CHAF1B: variants seen among roughly 807,000 people sequenced by gnomAD.
CHAF1B encodes the protein chromatin assembly factor 1 subunit B, also known as CAF-1 subunit B.
Under a neutral mutation model 60.7 loss-of-function variants are expected in CHAF1B, and 10 were observed. The observed-to-expected ratio is 0.16, with a 90% CI of 0.10 to 0.28. The LOEUF (loss-of-function observed/expected upper bound fraction) is 0.28. CHAF1B is among the 10% of genes least tolerant of loss of function. The pLI, the probability that CHAF1B is intolerant of heterozygous loss-of-function variation, is 1.00. For synonymous variants in CHAF1B, 261 were observed against 266.1 expected (o/e 0.98, Z 0.19); for missense variants, 558 against 708.4 (o/e 0.79, Z 2.41).
chr21:36,411,542 G>A lies in CHAF1B; in HGVS notation c.999G>A (p.Gln333=), dbSNP rs762395659. The A allele has an allele frequency of 1.9e-6, 3 of 1,614,066 alleles. No individual in the cohort carries two copies. The highest frequency in any genetic ancestry group is 2.5e-6 in the Non-Finnish European group (3 of 1,180,024). Residue 333 remains glutamine, a synonymous_variant, in exon 11 of 14, where the codon CAG becomes CAA. Transcript: ENST00000314103. ...ATTCCGTGCTTCTGTATGACACCCAGCAGTCCTTCCCTTTTGGTTACGTGT... is the reference window on the plus strand; with the variant it reads ...ATTCCGTGCTTCTGTATGACACCCAACAGTCCTTCCCTTTTGGTTACGTGT... ...SEDSVLLYDT[Q]QSFPFGYVSN...
In CHAF1B at chr21:36,415,308, A is replaced by G. The variant is rs375302132; in HGVS notation, c.1507A>G (p.Thr503Ala). 3.1e-6 allele frequency: 5 copies of G among 1,609,300 alleles called. No homozygotes were observed. The highest frequency in any genetic ancestry group is 4.3e-6 in the Non-Finnish European group (5 of 1,176,228). ...TTTTAAATCAAGGAGAATAAACTTA[A>G]CACCCTTAAAGACGGACACTCCACC... is the stretch of plus-strand genomic sequence containing the variant. ...SKTTPRRINLTPLKTDTPPSS... is the reference protein window; with the variant it reads ...SKTTPRRINLAPLKTDTPPSS... Residue 503 changes from threonine (T) to alanine (A), a missense_variant, in exon 13 of 14, where the codon ACA becomes GCA. Coordinates refer to ENST00000314103, the MANE Select transcript of CHAF1B (RefSeq NM_005441.3).
At position 36,386,123 on chromosome 21, in the gene CHAF1B, C is replaced by G; in HGVS notation, c.-14C>G. The stretch of plus-strand genomic sequence containing the variant: ...GTGCCCGAGAAACGTTTTTCCCCTT[C>G]GAGACTCAGGAGGATGAAAGTCATC... On this transcript the variant is annotated 5_prime_UTR_variant, in exon 2 of 14. Coordinates refer to ENST00000314103, the MANE Select transcript of CHAF1B (RefSeq NM_005441.3). The G allele has an allele frequency of 6.2e-7, 1 of 1,613,630 alleles. No homozygotes were observed. Among genetic ancestry groups the G allele is most frequent in the South Asian group, 1.1e-5 (1 of 90,976 alleles).
chr21:36,397,634 G>T (rs141244906), intron 6 of CHAF1B, 123 bp downstream of exon 6: 5 of 363,696 alleles, frequency 1.4e-5, no homozygotes, highest in Non-Finnish European at 2.5e-5. Flanking sequence ...TTTTGTTCTT[G>T]TTTTCATACT....
At chr21:36,396,172 G>A (rs1196839302) in intron 5 of CHAF1B, among the ~76,000 whole-genome samples, 1 of 151,200 alleles carries the variant, frequency 6.6e-6, no homozygotes, top group East Asian at 2.0e-4. Flanking sequence ...GCTAATTTTT[G>A]TATTTTTAGA....
chr21:36,396,796 A>G (rs548910486), intron 5 of CHAF1B, among the ~76,000 whole-genome samples: 36 of 151,744 alleles, frequency 2.4e-4, no homozygotes, highest in Non-Finnish European at 4.6e-4. Context: ...GGCCCTCCTC[A>G]TCTCTCTCCT....
At position 36,415,387 on chromosome 21, in the gene CHAF1B, C is replaced by T. The variant is rs763545777; in HGVS notation, c.1586C>T (p.Ser529Leu). The T allele has an allele frequency of 2.3e-5, 36 of 1,566,878 alleles. No individual in the cohort carries two copies. The Admixed American group carries it at 4.0e-4, about 17-fold the overall frequency. ...ISTPSTEEIQSETPGDAQGSP... is the reference protein window; with the variant it reads ...ISTPSTEEIQLETPGDAQGSP... ...ACCCCTTCTACAGAAGAAATTCAGT[C>T]AGGTAAGTAATATTGTTACTGGTTT... Residue 529 changes from serine to leucine, a missense_variant and splice_region_variant, in exon 13 of 14, where the codon TCA becomes TTA. Ser to Leu is a moderately radical substitution (Grantham distance 145). Transcript: ENST00000314103.
chr21:36,392,518 C>A (rs1009701121), intron 4 of CHAF1B, among the ~76,000 whole-genome samples: 1 of 151,898 alleles, frequency 6.6e-6, no homozygotes, highest in South Asian at 2.1e-4. Flanking sequence ...AGGCGCCCCC[C>A]ACCTCCCGGA....
intron 9 of CHAF1B, among the ~76,000 whole-genome samples, chr21:36,409,161 T>G (rs1324439997): frequency 6.7e-6 from 1 of 148,258 alleles, no homozygotes; most frequent in Admixed American, 6.8e-5. Context: ...GGCTTGTATT[T>G]TTTTTTTTTT....
At chr21:36,414,496 G>C (rs929392791) in intron 12 of CHAF1B, among the ~76,000 whole-genome samples, 3 of 151,928 alleles carry the variant, frequency 2.0e-5, no homozygotes, top group African/African-American at 7.3e-5. Context: ...AACTATTTTT[G>C]GTATTAAATT....
chr21:36,386,573 G>A (rs2086036777), intron 2 of CHAF1B, among the ~76,000 whole-genome samples: 1 of 152,196 alleles, frequency 6.6e-6, no homozygotes, highest in Non-Finnish European at 1.5e-5. Context: ...ACTCCAGCCT[G>A]GGTGACAGAG....
Position 36,387,219 on chromosome 21 carries a change from G to GTTTTTTTTT in CHAF1B, c.127-375_127-374insTTTTTTTTT, listed in dbSNP as rs1471540790. Among the ~76,000 whole-genome samples the GTTTTTTTTT allele has an allele frequency of 3.1e-3, 436 of 141,278 alleles. 11 individuals are homozygous for GTTTTTTTTT. The highest frequency in any genetic ancestry group is 0.011 in the African/African-American group (411 of 37,648). The allele number at this position is 141,278 out of a possible 152,430, so 92.7% of individuals were successfully genotyped here. On this transcript the variant is annotated intron_variant, in intron 2 of 13. Coordinates refer to ENST00000314103, the MANE Select transcript of CHAF1B (RefSeq NM_005441.3). ...AGTTTTCTTTCTGAAAATAAGCATA[G>GTTTTTTTTT]TTTTGTTTTTTTTTTTTTTTTGAGA...
rs770355851 is a variant in CHAF1B at position 36,402,729 on chromosome 21, AT to A, written c.664-28del. The stretch of plus-strand genomic sequence containing the variant: ...TGTGTGTAGAAAACAAACAAAAAAA[AT>A]AATAAAAATAAATTTTGTGTGCGAC... On this transcript the variant is annotated intron_variant, in intron 7 of 13. Transcript: ENST00000314103. 3 of 1,575,346 alleles carry A rather than the reference AT, an allele frequency of 1.9e-6. No individual in the cohort carries two copies. In the East Asian group the frequency reaches 6.7e-5, roughly 35 times the overall value.
At chr21:36,401,421 T>C (rs1403847421) in intron 7 of CHAF1B, among the ~76,000 whole-genome samples, 1 of 99,962 alleles carries the variant, frequency 1.0e-5, no homozygotes, top group Non-Finnish European at 1.8e-5. Context: ...ATATTATACA[T>C]AATATATATT....
chr21:36,415,262 A>C, intron 12 of CHAF1B, 33 bp from the exon 13 acceptor site: 11 of 1,279,274 alleles, frequency 8.6e-6, no homozygotes, highest in Non-Finnish European at 1.3e-5. Context: ...CTAATGAGCC[A>C]TCACCCCTCT....
rs1479136405 is a variant in CHAF1B at position 36,389,807 on chromosome 21, G to GCGCGCA, written c.260-1743_260-1742insGCGCAC. Among the ~76,000 whole-genome samples, 3 of 150,792 alleles carry GCGCGCA rather than the reference G, an allele frequency of 2.0e-5. No homozygotes were observed. In the East Asian group the frequency reaches 5.9e-4, roughly 29 times the overall value. On this transcript the variant is annotated intron_variant, in intron 3 of 13. Coordinates refer to ENST00000314103, the MANE Select transcript of CHAF1B (RefSeq NM_005441.3). ...TGTGTGTGTGTGTGTGTGTGCGCGC[G>GCGCGCA]CACGCTGATTTGTAGAGGGAAAAGT... is the stretch of plus-strand genomic sequence containing the variant.
At chr21:36,401,123 T>G (rs944482744) in intron 7 of CHAF1B, among the ~76,000 whole-genome samples, 1 of 151,804 alleles carries the variant, frequency 6.6e-6, no homozygotes, top group Non-Finnish European at 1.5e-5. Flanking sequence ...AGAAATTTGC[T>G]GGGCATAGTG....
At chr21:36,410,696 T>C (rs1259004179) in intron 10 of CHAF1B, among the ~76,000 whole-genome samples, 2 of 151,584 alleles carry the variant, frequency 1.3e-5, no homozygotes, top group Non-Finnish European at 2.9e-5. Context: ...TTTCTTGCTC[T>C]GTTGCCCAGG....
chr21:36,393,962 T>C (rs553853906), intron 4 of CHAF1B, among the ~76,000 whole-genome samples: 23 of 151,938 alleles, frequency 1.5e-4, no homozygotes, highest in Non-Finnish European at 3.2e-4. Context: ...TGCAGTGGCA[T>C]GATCTTGGCT....
Position 36,394,646 on chromosome 21 carries a change from C to T in CHAF1B, c.477C>T (p.Ser159=), listed in dbSNP as rs755180447. 5.8e-5 allele frequency: 93 copies of T among 1,595,882 alleles called. No individual in the cohort carries two copies. Among genetic ancestry groups the T allele is most frequent in the Non-Finnish European group, 7.5e-5 (87 of 1,166,762 alleles). The part of the protein sequence containing the change: ...VDNTAIIWDV[S]KGQKISIFNE... ...ACACAGCCATCATATGGGATGTCAG[C>T]AAAGGTAAATGATATATTTTTGTTA... The change falls in exon 5 of 14, where the codon AGC becomes AGT. Residue 159 remains serine (S), a synonymous_variant. Transcript: ENST00000314103.
Sources: allele counts gnomAD v4.1 joint callset (sites outside exome capture counted in the v4.1 genomes callset), GRCh38; gene constraint gnomAD v4.1.1; transcripts MANE v1.5; gene names NCBI Gene and HGNC (gene_info 2026-07-23, HGNC 2026-07-21).